Variants in DDX60L observed in about 807,000 individuals in gnomAD.
The protein encoded by DDX60L is probable ATP-dependent RNA helicase DDX60-like.
Under a neutral mutation model 211.6 loss-of-function variants are expected in DDX60L, and 191 were observed. That is an observed-to-expected ratio of 0.90 (90% CI 0.80 to 1.02). DDX60L has a LOEUF of 1.02. DDX60L is among the 50% of genes least tolerant of loss of function. DDX60L has a pLI of 0.00. For synonymous variants in DDX60L, 706 were observed against 694.1 expected (o/e 1.02, Z -0.27); for missense variants, 2,007 against 1,984.1 (o/e 1.01, Z -0.22).
chr4:168,464,016 C>T (rs1287512387), intron 4 of DDX60L, among the ~76,000 whole-genome samples: 1 of 152,048 alleles, frequency 6.6e-6, no homozygotes, highest in East Asian at 1.9e-4. Context: ...CAGTTTTGAT[C>T]CTAAAGTGCT....
At chr4:168,370,066 C>T (rs1039247713) in intron 36 of DDX60L, among the ~76,000 whole-genome samples, 7 of 152,088 alleles carry the variant, frequency 4.6e-5, no homozygotes, top group Non-Finnish European at 1.0e-4. Context: ...AATCCCACTA[C>T]TAGATATATA....
Position 168,422,674 on chromosome 4 carries a change from T to C in DDX60L, c.2098-4A>G. On this transcript the variant is annotated splice_polypyrimidine_tract_variant and splice_region_variant and intron_variant, in intron 15 of 37. Transcript: ENST00000682922. ...TCTTATTTTTGTCATCTCCTATCTGTTATTTTAATATATTATTTGAAATCA... is the reference window on the plus strand; with the variant it reads ...TCTTATTTTTGTCATCTCCTATCTGCTATTTTAATATATTATTTGAAATCA... The C allele has an allele frequency of 1.3e-6, 2 of 1,557,954 alleles. No individual in the cohort carries two copies. Among genetic ancestry groups the C allele is most frequent in the Non-Finnish European group, 1.7e-6 (2 of 1,149,918 alleles).
rs1401842830 is a variant in DDX60L at position 168,393,660 on chromosome 4, C to A, written c.3810+805G>T. On this transcript the variant is annotated intron_variant, in intron 28 of 37. Coordinates refer to ENST00000682922, the MANE Select transcript of DDX60L (RefSeq NM_001012967.3). The stretch of plus-strand genomic sequence containing the variant: ...TTTAACTATGAGCCATCTAAGATGT[C>A]CTTACCCTCTTCCAAGTTCATTTGG... Among the ~76,000 whole-genome samples, 3 of 152,130 alleles carry A rather than the reference C, an allele frequency of 2.0e-5. No homozygotes were observed. In the East Asian group the frequency reaches 5.8e-4, roughly 29 times the overall value.
At chr4:168,378,273 C>A in intron 33 of DDX60L, 81 bp downstream of exon 33, 2 of 756,992 alleles carry the variant, frequency 2.6e-6, no homozygotes, top group South Asian at 5.2e-5. Context: ...TTAATTTAAC[C>A]CTATAGGTAC....
chr4:168,432,404 C>G, intron 12 of DDX60L, 51 bp downstream of exon 12: 2 of 971,742 alleles, frequency 2.1e-6, no homozygotes. Context: ...ATAAAAAGAG[C>G]AGCAAAGGCA....
At chr4:168,398,699 C>T (rs1746258561) in intron 26 of DDX60L, among the ~76,000 whole-genome samples, 2 of 152,210 alleles carry the variant, frequency 1.3e-5, no homozygotes, top group Admixed American at 1.3e-4. Context: ...ATATAAACCT[C>T]AGACTCAGCC....
At chr4:168,372,779 G>C (rs904911302) in intron 35 of DDX60L, among the ~76,000 whole-genome samples, 3 of 151,832 alleles carry the variant, frequency 2.0e-5, no homozygotes, top group Non-Finnish European at 4.4e-5. Context: ...GGGGAGGGAA[G>C]GGAAGGGAAG....
chr4:168,463,563 C>A (rs1473721398), intron 4 of DDX60L, among the ~76,000 whole-genome samples: 2 of 152,068 alleles, frequency 1.3e-5, no homozygotes, highest in South Asian at 2.1e-4. Flanking sequence ...ACCTACATAA[C>A]AAACCTGCAC....
rs70961523 is a variant in DDX60L at position 168,457,261 on chromosome 4, T to TAC, written c.723+629_723+630dup. On this transcript the variant is annotated intron_variant, in intron 6 of 37. Coordinates refer to ENST00000682922, the MANE Select transcript of DDX60L (RefSeq NM_001012967.3). ...ACCAAAAACATATATATAAACTACA[T>TAC]ACACACACACACACACACACACACA... Among the ~76,000 whole-genome samples the TAC allele has an allele frequency of 7.1e-4, 103 of 145,308 alleles. 1 individual carries two copies. The highest frequency in any genetic ancestry group is 2.6e-3 in the South Asian group (12 of 4,594).
At chr4:168,379,653 C>T (rs1432681396) in intron 31 of DDX60L, 73 bp downstream of exon 31, 2 of 1,306,516 alleles carry the variant, frequency 1.5e-6, no homozygotes, top group African/African-American at 1.5e-5. Flanking sequence ...ATAGAAATTT[C>T]AGTTGGTTTA....
Position 168,430,471 on chromosome 4 carries a change from G to T in DDX60L, c.1677+7C>A, listed in dbSNP as rs564024151. The T allele has an allele frequency of 4.5e-6, 7 of 1,558,166 alleles. 1 individual carries two copies. In the South Asian group the frequency reaches 7.5e-5, roughly 17 times the overall value. ...GAAAAAAATTAGGTAAAATCTTTGC[G>T]ATCTACCTGTAATATTTCACCACTG... On this transcript the variant is annotated splice_region_variant and intron_variant, in intron 13 of 37. Coordinates refer to ENST00000682922, the MANE Select transcript of DDX60L (RefSeq NM_001012967.3).
chr4:168,453,026 A>T (rs1487459631), intron 8 of DDX60L, 98 bp downstream of exon 8: 5 of 1,232,688 alleles, frequency 4.1e-6, no homozygotes, highest in Middle Eastern at 2.5e-4. Context: ...TTTATCAGCT[A>T]ATTAGATCTG....
intron 17 of DDX60L, among the ~76,000 whole-genome samples, chr4:168,420,892 C>T (rs1224797606): frequency 6.6e-6 from 1 of 152,078 alleles, no homozygotes; most frequent in African/African-American, 2.4e-5. Context: ...AGGCAAAGAG[C>T]CCATGTGGCC....
Position 168,458,010 on chromosome 4 carries a change from T to G in DDX60L, c.607-2A>C. On this transcript the variant is annotated splice_acceptor_variant, in intron 5 of 37. Coordinates refer to ENST00000682922, the MANE Select transcript of DDX60L (RefSeq NM_001012967.3). LOFTEE classifies it high-confidence loss of function. ...TGCACTCTGAATCACTGTTTCATTC[T>G]GTAAAAGGGAGAAAACCATATAAAA... 6.8e-7 allele frequency: 1 copy of G among 1,480,956 alleles called. No homozygotes were observed. The highest frequency in any genetic ancestry group is 1.3e-5 in the South Asian group (1 of 77,296). 91.7% of individuals were successfully genotyped at this position (1,480,956 alleles called of 1,614,324 possible).
intron 37 of DDX60L, among the ~76,000 whole-genome samples, chr4:168,359,481 T>C (rs1381564806): frequency 6.6e-6 from 1 of 152,178 alleles, no homozygotes; most frequent in East Asian, 1.9e-4. Context: ...TTCCTCCTCT[T>C]AAATATTTCT....
chr4:168,420,702 C>T (rs1416237168), intron 17 of DDX60L, among the ~76,000 whole-genome samples: 1 of 145,230 alleles, frequency 6.9e-6, no homozygotes, highest in Non-Finnish European at 1.5e-5. Context: ...GACAGACAGA[C>T]AGATATTACA....
chr4:168,427,910 G>A (rs1422710981), intron 13 of DDX60L, among the ~76,000 whole-genome samples: 2 of 152,150 alleles, frequency 1.3e-5, no homozygotes, highest in Non-Finnish European at 2.9e-5. Context: ...TTTCAGTGTG[G>A]AGGCTGCTCC....
intron 33 of DDX60L, among the ~76,000 whole-genome samples, chr4:168,376,553 A>G (rs1481976278): frequency 6.6e-6 from 1 of 152,220 alleles, no homozygotes; most frequent in African/African-American, 2.4e-5. Flanking sequence ...ATAGTATGAC[A>G]ATTTCCACAA....
At position 168,427,178 on chromosome 4, in the gene DDX60L, A is replaced by G; in HGVS notation, c.1822T>C (p.Leu608=). 1.9e-6 allele frequency: 3 copies of G among 1,612,336 alleles called. No individual in the cohort carries two copies. Among genetic ancestry groups the G allele is most frequent in the Non-Finnish European group, 2.5e-6 (3 of 1,178,898 alleles). ...KNNLHSGIRK[L]EDYLTSCASN... Reference sequence around the variant, plus strand: ...GCACATGATGTCAAATAATCTTCCAATTTCCTTATTCCAGAATGTAAATTG... The same window carrying G: ...GCACATGATGTCAAATAATCTTCCAGTTTCCTTATTCCAGAATGTAAATTG... Residue 608 remains leucine (L), a synonymous_variant, in exon 14 of 38, where the codon TTG becomes CTG. Coordinates refer to ENST00000682922, the MANE Select transcript of DDX60L (RefSeq NM_001012967.3).
Sources: allele counts gnomAD v4.1 joint callset (sites outside exome capture counted in the v4.1 genomes callset), GRCh38; gene constraint gnomAD v4.1.1; transcripts MANE v1.5; gene names NCBI Gene and HGNC (gene_info 2026-07-23, HGNC 2026-07-21).